The following SLFN5 variants were observed in gnomAD, a reference collection of about 807,000 sequenced individuals.
SLFN5 encodes schlafen family member 5.
A neutral mutation model predicts 48.5 loss-of-function variants in SLFN5; 34 were observed. The observed-to-expected ratio is 0.70, with a 90% CI of 0.53 to 0.93. The LOEUF (loss-of-function observed/expected upper bound fraction) is 0.93. Among genes scored for constraint, SLFN5 ranks in the 40% least tolerant of loss-of-function variants. The probability of loss-of-function intolerance (pLI) is 0.00; values close to 1 mark genes in which losing one functional copy is unlikely to be tolerated. For synonymous variants in SLFN5, 387 were observed against 396.2 expected (o/e 0.98, Z 0.28); for missense variants, 1,006 against 1,071.3 (o/e 0.94, Z 0.85).
rs1275727487 is a variant in SLFN5 at position 35,266,141 on chromosome 17, G to T, written c.*253G>T. 2.8e-6 allele frequency: 1 copy of T among 352,782 alleles called. No individual in the cohort carries two copies. Among genetic ancestry groups the T allele is most frequent in the South Asian group, 3.8e-5 (1 of 26,542 alleles). 21.9% of individuals were successfully genotyped at this position (352,782 alleles called of 1,614,324 possible). Reference sequence around the variant, plus strand: ...TAATTAGAGGACCGTGAGACTCAGAGATGTGTGTGTGTGTGTGTGTGTGTG... The same window carrying T: ...TAATTAGAGGACCGTGAGACTCAGATATGTGTGTGTGTGTGTGTGTGTGTG... On this transcript the variant is annotated 3_prime_UTR_variant, in exon 5 of 5. Transcript: ENST00000299977.
Position 35,264,498 on chromosome 17 carries a change from CTGGGAGGTTA to C in SLFN5, c.1457_1466del (p.Gly486AlafsTer9), listed in dbSNP as rs1567792473. On this transcript the variant is annotated frameshift_variant, in exon 4 of 5. Transcript: ENST00000299977. LOFTEE classifies it high-confidence loss of function. ...AAGCTGGTGAACAAAGGCGGCTACA[CTGGGAGGTTA>C]TGCATCACCCCCTTGGTCTGTGTGC... 1 of 1,614,112 alleles carries C rather than the reference CTGGGAGGTTA, an allele frequency of 6.2e-7. No homozygotes were observed. The highest frequency in any genetic ancestry group is 1.7e-5 in the Admixed American group (1 of 60,020).
rs1288524961 is a variant in SLFN5 at position 35,272,008 on chromosome 17, G to C, written c.*6120G>C. 1 of 150,716 alleles carries C rather than the reference G, an allele frequency of 6.6e-6. No individual in the cohort carries two copies. The highest frequency in any genetic ancestry group is 2.5e-5 in the African/African-American group (1 of 40,422). The allele number at this position is 150,716 out of a possible 1,614,324, so 9.3% of individuals were successfully genotyped here. On this transcript the variant is annotated 3_prime_UTR_variant, in exon 5 of 5. Transcript: ENST00000299977. ...AATCACATCACTGCACTCCAGTCTG[G>C]GCAGCCAGAGTGAGACCCTGTCTCA...
chr17:35,261,355 G>T (rs536888280), intron 3 of SLFN5, among the ~76,000 whole-genome samples: 1 of 152,106 alleles, frequency 6.6e-6, no homozygotes, highest in Non-Finnish European at 1.5e-5. Flanking sequence ...ATTAAGAACT[G>T]TTCCTCAAAA....
rs747383254 is a variant in SLFN5, at chr17:35,264,423, A to T, written c.1379A>T (p.Asp460Val). Residue 460 changes from aspartate (D) to valine (V), a missense_variant, in exon 4 of 5, where the codon GAT (aspartate) becomes GTT (valine). Asp to Val is a radical substitution (Grantham distance 152). Transcript: ENST00000299977. ...PILYTIFSKW[D>V]AGCKGYSMIV... ...CTCTACACCATCTTCAGCAAGTGGGATGCGGGGTGCAAGGGCTATTCTATG... is the reference window on the plus strand; with the variant it reads ...CTCTACACCATCTTCAGCAAGTGGGTTGCGGGGTGCAAGGGCTATTCTATG... 9 of 1,614,068 alleles carry T rather than the reference A, an allele frequency of 5.6e-6. No individual in the cohort carries two copies. The highest frequency in any genetic ancestry group is 7.6e-6 in the Non-Finnish European group (9 of 1,180,044).
rs2142709157 is a variant in SLFN5 at position 35,267,992 on chromosome 17, T to C, written c.*2104T>C. On this transcript the variant is annotated 3_prime_UTR_variant, in exon 5 of 5. Transcript: ENST00000299977. ...AGGAGGGATTTTCCAGGATTTCACA[T>C]GAATTCAATGAAGGGGGCTGTGTCT... 1 of 152,348 alleles carries C rather than the reference T, an allele frequency of 6.6e-6. No individual in the cohort carries two copies. Among genetic ancestry groups the C allele is most frequent in the Admixed American group, 6.5e-5 (1 of 15,304 alleles). The allele number at this position is 152,348 out of a possible 1,614,324, so 9.4% of individuals were successfully genotyped here.
Position 35,259,456 on chromosome 17 carries a change from G to A in SLFN5, c.766G>A (p.Asp256Asn). 1 of 1,614,224 alleles carries A rather than the reference G, an allele frequency of 6.2e-7. No homozygotes were observed. The highest frequency in any genetic ancestry group is 1.1e-5 in the South Asian group (1 of 91,084). Residue 256 changes from aspartate (D) to asparagine (N), a missense_variant, in exon 2 of 5, where the codon GAT (aspartate) becomes AAT (asparagine). Transcript: ENST00000299977. The part of the protein sequence containing the change: ...IDLTSLRASI[D>N]GCIKKLPVHH... ...CCTTACGAGCTTGAGGGCTTCTATT[G>A]ATGGCTGTATTAAGAAGCTACCTGT...
chr17:35,258,797 G>A lies in SLFN5; in HGVS notation c.107G>A (p.Arg36Gln), dbSNP rs138931956. 1.1e-4 allele frequency: 185 copies of A among 1,614,082 alleles called. 2 individuals carry two copies. Among genetic ancestry groups the A allele is most frequent in the South Asian group, 6.0e-4 (55 of 91,074 alleles). Residue 36 changes from arginine (R) to glutamine (Q), a missense_variant, in exon 2 of 5, where the codon CGG (arginine) becomes CAG (glutamine). Arg to Gln is a conservative substitution (Grantham distance 43). Coordinates refer to ENST00000299977, the MANE Select transcript of SLFN5 (RefSeq NM_144975.4). Reference protein sequence around the residue: ...QQRQEMDPRLREKQNEIILRA... With the variant: ...QQRQEMDPRLQEKQNEIILRA... Reference sequence around the variant, plus strand: ...AGGCAGGAGATGGACCCTCGCCTGCGGGAGAAACAGAATGAAATCATCCTG... The same window carrying A: ...AGGCAGGAGATGGACCCTCGCCTGCAGGAGAAACAGAATGAAATCATCCTG...
Position 35,266,177 on chromosome 17 carries a change from T to TGTGTGTGTGTGCAC in SLFN5, c.*290_*291insTGTGTGTGTGCACG. The TGTGTGTGTGTGCAC allele has an allele frequency of 5.9e-6, 1 of 170,412 alleles. No homozygotes were observed. Among genetic ancestry groups the TGTGTGTGTGTGCAC allele is most frequent in the Non-Finnish European group, 1.2e-5 (1 of 83,926 alleles). 10.6% of individuals were successfully genotyped at this position (170,412 alleles called of 1,614,324 possible). ...GTGTGTGTGTGTGTGTGTGTGTGTGTGCGCGCGCGCACGTGCACATGTGTG... is the reference window on the plus strand; with the variant it reads ...GTGTGTGTGTGTGTGTGTGTGTGTGTGTGTGTGTGTGCACGCGCGCGCGCACGTGCACATGTGTG... On this transcript the variant is annotated 3_prime_UTR_variant, in exon 5 of 5. Transcript: ENST00000299977.
At chr17:35,256,098 C>G (rs1051110560) in intron 1 of SLFN5, among the ~76,000 whole-genome samples, 10 of 152,176 alleles carry the variant, frequency 6.6e-5, no homozygotes, top group African/African-American at 2.4e-4. Context: ...GTGGCTTACG[C>G]CTGTAATGCC....
rs542212808 is a variant in SLFN5 at position 35,266,920 on chromosome 17, G to A, written c.*1032G>A. The A allele has an allele frequency of 6.6e-6, 1 of 152,222 alleles. No individual in the cohort carries two copies. The highest frequency in any genetic ancestry group is 6.5e-5 in the Admixed American group (1 of 15,294). 9.4% of individuals were successfully genotyped at this position (152,222 alleles called of 1,614,324 possible). A position where few individuals can be genotyped will look rare whatever the true frequency, so the allele number is the denominator to read the frequency against. ...AAAGCCAAACAAATCCATCTTTTCTGAGAGACAGAAACTAAAAAATTCAGA... is the reference window on the plus strand; with the variant it reads ...AAAGCCAAACAAATCCATCTTTTCTAAGAGACAGAAACTAAAAAATTCAGA... On this transcript the variant is annotated 3_prime_UTR_variant, in exon 5 of 5. Transcript: ENST00000299977.
intron 3 of SLFN5, among the ~76,000 whole-genome samples, chr17:35,263,139 AT>A (rs946785350): frequency 2.0e-5 from 3 of 150,550 alleles, no homozygotes; most frequent in African/African-American, 7.3e-5. Context: ...TTATTTATTT[AT>A]TTTTTTTTGA....
Position 35,259,344 on chromosome 17 carries a change from A to G in SLFN5, c.654A>G (p.Ala218=), listed in dbSNP as rs1383175475. 6.2e-7 allele frequency: 1 copy of G among 1,614,172 alleles called. No homozygotes were observed. The highest frequency in any genetic ancestry group is 1.7e-5 in the Admixed American group (1 of 60,026). ...ACAGACTTCCGAAGTGTGTTTCTGC[A>G]TTTGCAAATACTGAAGGAGGATATG... is the stretch of plus-strand genomic sequence containing the variant. ...VKDRLPKCVS[A]FANTEGGYVF... Residue 218 remains alanine, a synonymous_variant, in exon 2 of 5, where the codon GCA becomes GCG. Coordinates refer to ENST00000299977, the MANE Select transcript of SLFN5 (RefSeq NM_144975.4).
In SLFN5 at chr17:35,264,693, C is replaced by G. The variant is rs757066557; in HGVS notation, c.1649C>G (p.Ser550Cys). The G allele has an allele frequency of 6.2e-7, 1 of 1,611,070 alleles. No homozygotes were observed. Among genetic ancestry groups the G allele is most frequent in the South Asian group, 1.1e-5 (1 of 90,630 alleles). The stretch of plus-strand genomic sequence containing the variant: ...TCCTTCTTAAGTGAAGAGCTGGGCT[C>G]TGAGGTTTTGAACCTACTGACAAAT... Reference protein sequence around the residue: ...FKSFLSEELGSEVLNLLTNKQ... With the variant: ...FKSFLSEELGCEVLNLLTNKQ... The change falls in exon 4 of 5, where the codon TCT (serine) becomes TGT (cysteine). Residue 550 changes from serine (S) to cysteine (C), a missense_variant. Physicochemically the swap from Ser to Cys is moderately radical, Grantham distance 112. Transcript: ENST00000299977.
At chr17:35,243,844 G>C (rs1226566220) in intron 1 of SLFN5, among the ~76,000 whole-genome samples, 1 of 152,238 alleles carries the variant, frequency 6.6e-6, no homozygotes, top group Non-Finnish European at 1.5e-5. Flanking sequence ...CTGACACACA[G>C]ATGCTTGGAG....
intron 1 of SLFN5, among the ~76,000 whole-genome samples, chr17:35,255,154 C>T (rs543287759): frequency 6.6e-6 from 1 of 152,178 alleles, no homozygotes; most frequent in South Asian, 2.1e-4. Context: ...TGTTATTCTT[C>T]TAATTAGAAA....
intron 1 of SLFN5, among the ~76,000 whole-genome samples, chr17:35,244,680 C>T (rs2092426790): frequency 1.3e-5 from 2 of 152,118 alleles, no homozygotes; most frequent in Non-Finnish European, 2.9e-5. Context: ...AATCTCAGCA[C>T]TTTGGGAGGC....
chr17:35,271,303 T>G lies in SLFN5; in HGVS notation c.*5415T>G, dbSNP rs534626851. ...TATAGGGATGGGCTATTAGCAAGAG[T>G]ATATGAATAACGTACTATAACAAGA... On this transcript the variant is annotated 3_prime_UTR_variant, in exon 5 of 5. Transcript: ENST00000299977. 1 of 152,180 alleles carries G rather than the reference T, an allele frequency of 6.6e-6. No individual in the cohort carries two copies. The highest frequency in any genetic ancestry group is 1.5e-5 in the Non-Finnish European group (1 of 68,004). The allele number at this position is 152,180 out of a possible 1,614,324, so 9.4% of individuals were successfully genotyped here.
At chr17:35,256,492 C>T (rs1904346335) in intron 1 of SLFN5, among the ~76,000 whole-genome samples, 1 of 152,088 alleles carries the variant, frequency 6.6e-6, no homozygotes, top group Admixed American at 6.5e-5. Context: ...TCTTGTTCAT[C>T]TCTCCAGGAT....
chr17:35,245,845 CTT>C (rs2092429443), intron 1 of SLFN5, among the ~76,000 whole-genome samples: 1 of 143,854 alleles, frequency 7.0e-6, no homozygotes, highest in Admixed American at 7.0e-5. Context: ...TTTTTTTCCT[CTT>C]GGGTAAATAC....
Sources: gnomAD v4.1 joint callset for allele counts (sites outside exome capture counted in the v4.1 genomes callset) on GRCh38, gnomAD v4.1.1 for gene constraint, MANE v1.5 for transcripts, NCBI Gene and HGNC (gene_info 2026-07-23, HGNC 2026-07-21) for gene names.